KLHL8: variants seen among roughly 807,000 people sequenced by gnomAD.
KLHL8 encodes kelch-like protein 8.
In KLHL8, 38 loss-of-function variants were observed where a neutral mutation model predicts 63.5. The ratio of observed to expected loss-of-function variants is 0.60; its 90% confidence interval spans 0.46 to 0.78. The LOEUF (loss-of-function observed/expected upper bound fraction) is 0.78. Among genes scored for constraint, KLHL8 ranks in the 30% least tolerant of loss-of-function variants. The pLI, the probability that KLHL8 is intolerant of heterozygous loss-of-function variation, is 0.00. For synonymous variants in KLHL8, 224 were observed against 254.3 expected, an observed-to-expected ratio of 0.88 and a Z score of 1.13; for missense variants, 566 against 752.4, an observed-to-expected ratio of 0.75 and a Z score of 2.90.
At chr4:87,175,491 C>T (rs1026444564) in intron 6 of KLHL8, among the ~76,000 whole-genome samples, 1 of 152,118 alleles carries the variant, frequency 6.6e-6, no homozygotes, top group African/African-American at 2.4e-5. Context: ...TTTTAAAATA[C>T]CTAAGGCAGG....
At position 87,195,602 on chromosome 4, in the gene KLHL8, G is replaced by A. The variant is rs944360438; in HGVS notation, c.-63C>T. On this transcript the variant is annotated 5_prime_UTR_variant, in exon 2 of 10. Coordinates refer to ENST00000273963, the MANE Select transcript of KLHL8 (RefSeq NM_020803.5). The stretch of plus-strand genomic sequence containing the variant: ...ACATGCCATTTATTTTTTTTCAAAG[G>A]GTAGAGAGAAGGCAGAAGGTAGATG... 2.8e-6 allele frequency: 4 copies of A among 1,414,592 alleles called. No individual in the cohort carries two copies. The highest frequency in any genetic ancestry group is 1.4e-5 in the African/African-American group (1 of 70,088). The allele number at this position is 1,414,592 out of a possible 1,614,324, so 87.6% of individuals were successfully genotyped here. A position where few individuals can be genotyped will look rare whatever the true frequency, so the allele number is the denominator to read the frequency against.
intron 3 of KLHL8, among the ~76,000 whole-genome samples, chr4:87,183,816 C>T (rs1731145622): frequency 6.6e-6 from 1 of 152,118 alleles, no homozygotes; most frequent in South Asian, 2.1e-4. Context: ...TAAGATTAAA[C>T]ATAGGGAAAT....
At position 87,163,972 on chromosome 4, in the gene KLHL8, T is replaced by C; in HGVS notation, c.1645A>G (p.Ile549Val). Reference sequence around the variant, plus strand: ...AAGATTTTGCCCATCACTGTTGCGATTCCCACTCCACCTCTGGGAGTAGTA... The same window carrying C: ...AAGATTTTGCCCATCACTGTTGCGACTCCCACTCCACCTCTGGGAGTAGTA... ...ALTTPRGGVG[I>V]ATVMGKIFAV... Residue 549 changes from isoleucine (I) to valine (V), a missense_variant, in exon 9 of 10, where the codon ATC becomes GTC. Transcript: ENST00000273963. 1 of 1,614,200 alleles carries C rather than the reference T, an allele frequency of 6.2e-7. No homozygotes were observed. The highest frequency in any genetic ancestry group is 8.5e-7 in the Non-Finnish European group (1 of 1,180,028).
In KLHL8 at chr4:87,208,029, C is replaced by T. The variant is rs186718044; in HGVS notation, c.-151-12339G>A. ...TTGTCAAGATCATTTCTTGGTATAG[C>T]GATGAATTTGGCTACAGCAACAAGG... is the stretch of plus-strand genomic sequence containing the variant. On this transcript the variant is annotated intron_variant, in intron 1 of 9. Transcript: ENST00000273963. The T allele has an allele frequency of 2.2e-5, 15 of 667,510 alleles. No individual in the cohort carries two copies. In the East Asian group the frequency reaches 2.4e-4, roughly 11 times the overall value. The allele number at this position is 667,510 out of a possible 1,614,324, so 41.3% of individuals were successfully genotyped here.
At chr4:87,183,797 T>TTAAA (rs1553945638) in intron 3 of KLHL8, among the ~76,000 whole-genome samples, 2 of 152,258 alleles carry the variant, frequency 1.3e-5, no homozygotes, top group Non-Finnish European at 1.5e-5. Flanking sequence ...TTCTTTTGCC[T>TTAAA]TTTTAAGCTA....
intron 1 of KLHL8, among the ~76,000 whole-genome samples, chr4:87,209,511 A>G (rs1732301586): frequency 1.3e-5 from 2 of 152,236 alleles, no homozygotes; most frequent in South Asian, 4.1e-4. Flanking sequence ...AACGCAGAGC[A>G]TATGTAACAA....
chr4:87,187,247 G>T (rs1731298400), intron 2 of KLHL8, among the ~76,000 whole-genome samples: 1 of 152,100 alleles, frequency 6.6e-6, no homozygotes, highest in Admixed American at 6.6e-5. Flanking sequence ...TGTTGTTGTT[G>T]TTGTACAAAG....
chr4:87,208,093 A>G, intron 1 of KLHL8: 1 of 520,162 alleles, frequency 1.9e-6, no homozygotes, highest in Non-Finnish European at 3.7e-6. Flanking sequence ...CAAAAGGAAG[A>G]CCACCAGACC....
upstream of KLHL8, among the ~76,000 whole-genome samples, chr4:87,224,128 C>A (rs1329572997): frequency 6.6e-6 from 1 of 151,950 alleles, no homozygotes; most frequent in East Asian, 1.9e-4. Context: ...ATGGCACGAT[C>A]TTGGCTTACT....
intron 1 of KLHL8, among the ~76,000 whole-genome samples, chr4:87,229,768 T>TC (rs1372025870): frequency 3.1e-4 from 47 of 150,738 alleles, no homozygotes; most frequent in South Asian, 2.1e-3. Context: ...TCTCACTCTG[T>TC]CACCCAGGCT....
intron 1 of KLHL8, among the ~76,000 whole-genome samples, chr4:87,209,380 A>C (rs1732295438): frequency 6.6e-6 from 1 of 152,222 alleles, no homozygotes; most frequent in South Asian, 2.1e-4. Context: ...ACAATGAAGC[A>C]GACAGAAAGC....
chr4:87,231,795 G>T (rs1733142270), intron 1 of KLHL8, among the ~76,000 whole-genome samples: 1 of 151,832 alleles, frequency 6.6e-6, no homozygotes, highest in Non-Finnish European at 1.5e-5. Context: ...ACGAGGTTTC[G>T]CCATGTTGGC....
intron 1 of KLHL8, among the ~76,000 whole-genome samples, chr4:87,198,014 A>T (rs978885803): frequency 1.9e-5 from 2 of 104,142 alleles, no homozygotes; most frequent in East Asian, 2.8e-4. Flanking sequence ...TTAATTATTA[A>T]AAAAAAAAAA....
rs1396653861 is a variant in KLHL8, at chr4:87,185,543, T to C, written c.473A>G (p.Glu158Gly). Residue 158 changes from glutamate (E) to glycine (G), a missense_variant, in exon 3 of 10, where the codon GAA becomes GGA. Glu to Gly is a moderately conservative substitution (Grantham distance 98). Transcript: ENST00000273963. ...GGGATGAAAATGTAACTTCATGTAT[T>C]CACAACAAGCTCTAGCCACCAGTTC... ...QVELVARACC[E>G]YMKLHFHPSN... 1 of 1,614,054 alleles carries C rather than the reference T, an allele frequency of 6.2e-7. No homozygotes were observed. Among genetic ancestry groups the C allele is most frequent in the Non-Finnish European group, 8.5e-7 (1 of 1,180,028 alleles).
chr4:87,163,825 T>C, intron 9 of KLHL8, 53 bp downstream of exon 9: 1 of 1,568,494 alleles, frequency 6.4e-7, no homozygotes, highest in Middle Eastern at 1.9e-4. Flanking sequence ...TCTGAAGTAA[T>C]CTACTATTAT....
At chr4:87,190,033 CAAA>C (rs35607781) in intron 2 of KLHL8, among the ~76,000 whole-genome samples, 6 of 76,744 alleles carry the variant, frequency 7.8e-5, no homozygotes, top group African/African-American at 3.1e-4. Flanking sequence ...GCCTCCATCT[CAAA>C]AAAAAAAAAA....
In KLHL8 at chr4:87,163,520, C is replaced by T. The variant is rs145974248; in HGVS notation, c.1862G>A (p.Ter621=). 1.9e-6 allele frequency: 3 copies of T among 1,613,968 alleles called. No homozygotes were observed. In the African/African-American group the frequency reaches 4.0e-5, roughly 22 times the overall value. The change falls in exon 10 of 10, where the codon TGA becomes TAA. Residue 621 remains the stop codon, a stop_retained_variant. Coordinates refer to ENST00000273963, the MANE Select transcript of KLHL8 (RefSeq NM_020803.5). The stretch of plus-strand genomic sequence containing the variant: ...AATTGTTGGTGGCCAGAACTCAAAT[C>T]ACATACAGTCAACCACATTATTGGA... ...HGSNNVVDCM[*]
chr4:87,205,380 C>T (rs560639601), intron 1 of KLHL8, among the ~76,000 whole-genome samples: 14 of 151,278 alleles, frequency 9.3e-5, no homozygotes, highest in Non-Finnish European at 1.5e-4. Flanking sequence ...GCACTCCACC[C>T]GGGGTGACAG....
At chr4:87,179,091 A>T (rs1317563790) in intron 4 of KLHL8, among the ~76,000 whole-genome samples, 1 of 152,108 alleles carries the variant, frequency 6.6e-6, no homozygotes, top group African/African-American at 2.4e-5. Flanking sequence ...ACACAGGAAA[A>T]GTTCATCCCT....
Sources: allele counts gnomAD v4.1 joint callset (sites outside exome capture counted in the v4.1 genomes callset), GRCh38; gene constraint gnomAD v4.1.1; transcripts MANE v1.5; gene names NCBI Gene and HGNC (gene_info 2026-07-23, HGNC 2026-07-21).